Variants in EVL observed in about 807,000 individuals in gnomAD.
EVL encodes ena/VASP-like protein.
EVL carries 21 observed loss-of-function variants against 59.6 expected under a neutral mutation model. The ratio of observed to expected loss-of-function variants is 0.35; its 90% CI spans 0.25 to 0.51. EVL has a LOEUF of 0.51. Among genes scored for constraint, EVL ranks in the 20% least tolerant of loss-of-function variants. EVL has a pLI of 0.97. For missense variants in EVL, 462 were observed against 546.6 expected, an observed-to-expected ratio of 0.85 and a Z score of 1.54; for synonymous variants, 198 against 203.5, an observed-to-expected ratio of 0.97 and a Z score of 0.23.
At chr14:100,025,150 C>T (rs980485517) in intron 1 of EVL, among the ~76,000 whole-genome samples, 3 of 152,162 alleles carry the variant, frequency 2.0e-5, no homozygotes, top group African/African-American at 7.2e-5. Flanking sequence ...CAAATCATGT[C>T]ACTCCTGTTC....
intron 1 of EVL, among the ~76,000 whole-genome samples, chr14:100,004,481 GT>G (rs61519528): frequency 0.35 from 52,430 of 149,720 alleles, 12,630 homozygotes; most frequent in African/African-American, 0.69. Context: ...TGTGTAAGTG[GT>G]TTTTTTTTTA....
intron 1 of EVL, among the ~76,000 whole-genome samples, chr14:100,013,336 G>A (rs902388519): frequency 3.3e-5 from 5 of 152,244 alleles, no homozygotes. Flanking sequence ...AGGGCAACTC[G>A]ATGGGTTTTT....
rs1023922572 is a variant in EVL, at chr14:100,068,113, G to A, written c.11+2602G>A. 4.7e-4 allele frequency among the ~76,000 whole-genome samples: 71 copies of A among 152,146 alleles called. 1 individual carries two copies. Among genetic ancestry groups the A allele is most frequent in the Admixed American group, 2.8e-3 (43 of 15,284 alleles). On this transcript the variant is annotated intron_variant, in intron 1 of 13. Transcript: ENST00000392920. ...TCAAGAAACCATCAACAAGAGACGT[G>A]AAAACAATAGAGCAGTGTGGTAGAG... is the stretch of plus-strand genomic sequence containing the variant.
intron 3 of EVL, among the ~76,000 whole-genome samples, chr14:100,112,837 A>G (rs996581068): frequency 4.6e-5 from 7 of 152,034 alleles, no homozygotes; most frequent in Admixed American, 6.5e-5. Context: ...TCCTCTCTAG[A>G]TTGTAAGTTC....
At chr14:100,019,265 A>G (rs1167985360) in intron 1 of EVL, 1 of 182,302 alleles carries the variant, frequency 5.5e-6, no homozygotes, top group Non-Finnish European at 1.1e-5. Flanking sequence ...CATTCCTTTC[A>G]GCCTTCTCTC....
intron 1 of EVL, among the ~76,000 whole-genome samples, chr14:100,036,604 T>C (rs1469059793): frequency 6.6e-6 from 1 of 152,168 alleles, no homozygotes; most frequent in Non-Finnish European, 1.5e-5. Flanking sequence ...TTCATGTCTG[T>C]TACTTGCAGC....
chr14:100,022,685 C>T (rs1029872321), intron 1 of EVL, among the ~76,000 whole-genome samples: 2 of 152,180 alleles, frequency 1.3e-5, no homozygotes, highest in African/African-American at 4.8e-5. Context: ...CAGAATCCTG[C>T]CTGTTTTTGT....
intron 1 of EVL, among the ~76,000 whole-genome samples, chr14:99,983,637 A>G (rs1266076882): frequency 6.6e-6 from 1 of 152,058 alleles, no homozygotes; most frequent in Non-Finnish European, 1.5e-5. Context: ...GCTTTTGTGG[A>G]GCTGTGTTTA....
At chr14:99,978,415 G>C (rs1406217895) in intron 1 of EVL, among the ~76,000 whole-genome samples, 1 of 150,378 alleles carries the variant, frequency 6.6e-6, no homozygotes, top group East Asian at 1.9e-4. Context: ...AAAAAAAAAA[G>C]GCATGGATGT....
intron 1 of EVL, among the ~76,000 whole-genome samples, chr14:100,046,731 A>C (rs1213845536): frequency 6.8e-6 from 1 of 146,002 alleles, no homozygotes; most frequent in East Asian, 2.0e-4. Flanking sequence ...AAACGTCAGG[A>C]GGGTTGATTT....
At chr14:100,067,060 G>A (rs2140272402) in intron 1 of EVL, among the ~76,000 whole-genome samples, 1 of 152,262 alleles carries the variant, frequency 6.6e-6, no homozygotes, top group African/African-American at 2.4e-5. Flanking sequence ...TTGTGTACGG[G>A]GAGCGGAGTA....
intron 7 of EVL, 90 bp from the exon 8 acceptor site, chr14:100,132,629 G>T: frequency 1.4e-6 from 2 of 1,393,254 alleles, no homozygotes; most frequent in Admixed American, 3.4e-5. Context: ...TGAGGACCGG[G>T]GTGAGTCTGG....
rs1340832170 is a variant in EVL, at chr14:100,046,779, G to A, written c.6-37908G>A. 4.9e-3 allele frequency among the ~76,000 whole-genome samples: 688 copies of A among 141,650 alleles called. 13 individuals carry two copies. Among genetic ancestry groups the A allele is most frequent in the African/African-American group, 0.017 (648 of 38,472 alleles). 92.9% of individuals were successfully genotyped at this position (141,650 alleles called of 152,430 possible). On this transcript the variant is annotated intron_variant, in intron 1 of 13. Transcript: ENST00000402714. ...TTTTTTTTTTTTTTTTTGAGGAAGA[G>A]TCTTGCTCTGTTGCCCAGGCTGGAG...
chr14:100,128,609 C>A lies in EVL; in HGVS notation c.578C>A (p.Pro193Gln). Residue 193 changes from proline (P) to glutamine (Q), a missense_variant, in exon 6 of 14, where the codon CCA (proline) becomes CAA (glutamine). Transcript: ENST00000392920. ...GPPPPPPPPV[P>Q]PPPTGATPPP... is the part of the protein sequence containing the mutation. ...CCACCGCCCCCCCCACCCCCAGTCCCACCTCCACCCACTGGGGCTACCCCA... is the reference window on the plus strand; with the variant it reads ...CCACCGCCCCCCCCACCCCCAGTCCAACCTCCACCCACTGGGGCTACCCCA... The A allele has an allele frequency of 4.1e-6, 6 of 1,475,796 alleles. No individual in the cohort carries two copies. The highest frequency in any genetic ancestry group is 5.0e-5 in the East Asian group (2 of 39,870). 91.4% of individuals were successfully genotyped at this position (1,475,796 alleles called of 1,614,324 possible).
intron 1 of EVL, among the ~76,000 whole-genome samples, chr14:100,054,491 A>G (rs2140252214): frequency 6.6e-6 from 1 of 152,250 alleles, no homozygotes. Context: ...TTCTGAGTCC[A>G]TACCCCAGCC....
chr14:99,985,307 A>T lies in EVL; in HGVS notation c.5+13250A>T, dbSNP rs922685131. The stretch of plus-strand genomic sequence containing the variant: ...GACATAATTTTTATTTATTATTATT[A>T]TTACATTTGAGATGGGCCTAGGGGA... On this transcript the variant is annotated intron_variant, in intron 1 of 13. Transcript: ENST00000402714. Among the ~76,000 whole-genome samples the T allele has an allele frequency of 4.0e-5, 6 of 151,854 alleles. No homozygotes were observed. In the South Asian group the frequency reaches 1.2e-3, roughly 32 times the overall value.
chr14:100,103,900 C>G (rs1179392837), intron 3 of EVL, among the ~76,000 whole-genome samples: 2 of 152,212 alleles, frequency 1.3e-5, no homozygotes, highest in Non-Finnish European at 2.9e-5. Context: ...TTTTTCACAT[C>G]CCGGCACCCA....
chr14:100,121,220 A>G (rs1039348878), intron 3 of EVL, among the ~76,000 whole-genome samples: 1 of 152,190 alleles, frequency 6.6e-6, no homozygotes, highest in Non-Finnish European at 1.5e-5. Context: ...GCACCTGCCA[A>G]GGGGCTGCTG....
chr14:100,022,100 G>A (rs1380260087), intron 1 of EVL, among the ~76,000 whole-genome samples: 2 of 151,902 alleles, frequency 1.3e-5, no homozygotes, highest in Non-Finnish European at 2.9e-5. Context: ...GAATTAAATG[G>A]GATAATATAA....
Sources: allele counts gnomAD v4.1 joint callset (sites outside exome capture counted in the v4.1 genomes callset), GRCh38; gene constraint gnomAD v4.1.1; transcripts MANE v1.5; gene names NCBI Gene and HGNC (gene_info 2026-07-23, HGNC 2026-07-21).